IFI44: variants seen among roughly 807,000 people sequenced by gnomAD.
IFI44 encodes interferon-induced protein 44.
In IFI44, 42 loss-of-function variants were observed where a neutral mutation model predicts 45.0. That is an observed-to-expected ratio of 0.93 (90% CI 0.73 to 1.21). IFI44 has a LOEUF of 1.21. IFI44 is among the 50% of genes most tolerant of loss of function. The pLI is 0.00. For synonymous variants in IFI44, 221 were observed against 188.6 expected (o/e 1.17, Z -1.41); for missense variants, 623 against 525.8 (o/e 1.18, Z -1.81).
intron 2 of IFI44, among the ~76,000 whole-genome samples, chr1:78,652,007 C>T (rs1396176240): frequency 6.6e-6 from 1 of 152,034 alleles, no homozygotes; most frequent in African/African-American, 2.4e-5. Flanking sequence ...GTTTATGGGC[C>T]ACTTTACATA....
intron 2 of IFI44, among the ~76,000 whole-genome samples, chr1:78,651,904 A>C (rs1031883571): frequency 2.0e-5 from 3 of 152,276 alleles, no homozygotes; most frequent in African/African-American, 7.2e-5. Context: ...CAGAAAGAGT[A>C]CTTAGATATT....
intron 5 of IFI44, among the ~76,000 whole-genome samples, chr1:78,659,021 CT>C (rs1647304195): frequency 6.6e-6 from 1 of 151,956 alleles, no homozygotes; most frequent in African/African-American, 2.4e-5. Context: ...GATTGCCTCT[CT>C]TATCTAGAAC....
At chr1:78,660,738 G>T in intron 7 of IFI44, 84 bp downstream of exon 7, 1 of 909,902 alleles carries the variant, frequency 1.1e-6, no homozygotes, top group Non-Finnish European at 1.8e-6. Context: ...ATAAAAACAA[G>T]CAGCTACTGG....
intron 1 of IFI44, 61 bp downstream of exon 1, chr1:78,649,966 A>G: frequency 2.6e-6 from 1 of 389,670 alleles, no homozygotes. Context: ...TGTCTCTCTC[A>G]GGTGACAGTG....
At chr1:78,653,770 G>A (rs1046487881) in intron 2 of IFI44, among the ~76,000 whole-genome samples, 9 of 152,250 alleles carry the variant, frequency 5.9e-5, no homozygotes, top group Non-Finnish European at 1.0e-4. Flanking sequence ...TTAATAGCAG[G>A]TTGTAGAGAA....
Position 78,650,045 on chromosome 1 carries a change from AT to A in IFI44, c.-10-134del, listed in dbSNP as rs373260648. ...ATTTATAGTAAAAAATTAGCTAATG[AT>A]TTTTTTGCTTTCTGTTCATCCTTTG... On this transcript the variant is annotated intron_variant, in intron 1 of 8. Coordinates refer to ENST00000370747, the MANE Select transcript of IFI44 (RefSeq NM_006417.5). 7.1e-4 allele frequency: 336 copies of A among 470,968 alleles called. 1 individual carries two copies. The highest frequency in any genetic ancestry group is 6.1e-3 in the African/African-American group (303 of 49,944). The allele number at this position is 470,968 out of a possible 1,614,324, so 29.2% of individuals were successfully genotyped here. A position where few individuals can be genotyped will look rare whatever the true frequency, so the allele number is the denominator to read the frequency against.
intron 7 of IFI44, among the ~76,000 whole-genome samples, chr1:78,662,325 G>A (rs750063551): frequency 2.6e-5 from 4 of 152,100 alleles, no homozygotes; most frequent in Admixed American, 6.6e-5. Flanking sequence ...TAAATATTTC[G>A]AACCTAGGCA....
At chr1:78,663,375 T>C (rs1337761207) in intron 8 of IFI44, 2 of 985,280 alleles carry the variant, frequency 2.0e-6, no homozygotes, top group African/African-American at 3.5e-5. Context: ...GGTAGAGGTA[T>C]GTCCTTTTAT....
At chr1:78,652,755 C>G (rs964883440) in intron 2 of IFI44, among the ~76,000 whole-genome samples, 1 of 152,174 alleles carries the variant, frequency 6.6e-6, no homozygotes, top group Non-Finnish European at 1.5e-5. Context: ...GGGGCTATTA[C>G]AAATAATACT....
intron 3 of IFI44, among the ~76,000 whole-genome samples, chr1:78,654,629 A>G (rs1236641738): frequency 6.6e-6 from 1 of 151,964 alleles, no homozygotes; most frequent in Non-Finnish European, 1.5e-5. Context: ...CTTCAAGAAC[A>G]TGTTAGAAAT....
At chr1:78,654,157 C>CT in intron 2 of IFI44, 86 bp from the exon 3 acceptor site, 2 of 794,182 alleles carry the variant, frequency 2.5e-6, no homozygotes, top group Admixed American at 3.6e-5. Context: ...GTATTTGTCC[C>CT]TAGTGAATTC....
intron 2 of IFI44, among the ~76,000 whole-genome samples, chr1:78,652,957 A>C (rs1223140616): frequency 6.6e-6 from 1 of 152,138 alleles, no homozygotes; most frequent in Non-Finnish European, 1.5e-5. Flanking sequence ...CTGTCACTCC[A>C]AATCTTTTTC....
intron 2 of IFI44, among the ~76,000 whole-genome samples, chr1:78,652,615 C>G (rs1479258225): frequency 6.6e-6 from 1 of 152,178 alleles, no homozygotes; most frequent in Admixed American, 6.5e-5. Flanking sequence ...CTCCTACCTT[C>G]CTAGTGATTC....
intron 6 of IFI44, 30 bp from the exon 7 acceptor site, chr1:78,660,524 A>G: frequency 6.7e-7 from 1 of 1,492,852 alleles, no homozygotes; most frequent in Non-Finnish European, 9.3e-7. Context: ...ATGCTCTCTA[A>G]AATGATTTAA....
intron 3 of IFI44, 75 bp downstream of exon 3, chr1:78,654,354 T>A: frequency 3.9e-6 from 3 of 778,860 alleles, no homozygotes. Context: ...CTCATCAATA[T>A]AATTGGCAAC....
intron 8 of IFI44, chr1:78,663,553 C>A: frequency 1.0e-6 from 1 of 985,236 alleles, no homozygotes; most frequent in African/African-American, 1.7e-5. Context: ...CTCTCCAATT[C>A]TCTCTTACTC....
Position 78,663,829 on chromosome 1 carries a change from G to A in IFI44, c.*18G>A, listed in dbSNP as rs373946711. ...AAAAATAGATATGTGAAAGGTTCAC[G>A]TAAATTTCCTCACATCACAGAAGAT... On this transcript the variant is annotated 3_prime_UTR_variant, in exon 9 of 9. Coordinates refer to ENST00000370747, the MANE Select transcript of IFI44 (RefSeq NM_006417.5). 175 of 1,608,824 alleles carry A rather than the reference G, an allele frequency of 1.1e-4. No homozygotes were observed. The highest frequency in any genetic ancestry group is 1.3e-4 in the Non-Finnish European group (153 of 1,177,332).
In IFI44 at chr1:78,650,235, A is replaced by T. The variant is rs1192990182; in HGVS notation, c.40A>T (p.Ile14Phe). 3.1e-6 allele frequency: 5 copies of T among 1,608,526 alleles called. No individual in the cohort carries two copies. Among genetic ancestry groups the T allele is most frequent in the Middle Eastern group, 1.7e-4 (1 of 6,042 alleles). Reference sequence around the variant, plus strand: ...TCGTTTGACATGGTTGCACGAAAAGATCCTGCAAAATCATTTTGGAGGGAA... The same window carrying T: ...TCGTTTGACATGGTTGCACGAAAAGTTCCTGCAAAATCATTTTGGAGGGAA... ...TTRLTWLHEK[I>F]LQNHFGGKRL... The change falls in exon 2 of 9, where the codon ATC (isoleucine) becomes TTC (phenylalanine). Residue 14 changes from isoleucine (I) to phenylalanine (F), a missense_variant. Physicochemically the swap from Ile to Phe is conservative, Grantham distance 21. Coordinates refer to ENST00000370747, the MANE Select transcript of IFI44 (RefSeq NM_006417.5).
At chr1:78,660,837 G>A (rs1570403261) in intron 7 of IFI44, 183 bp downstream of exon 7, 1 of 604,048 alleles carries the variant, frequency 1.7e-6, no homozygotes, top group East Asian at 3.0e-5. Flanking sequence ...ATTTGCAGGG[G>A]ATTAGTTCCA....
Sources: allele counts gnomAD v4.1 joint callset (sites outside exome capture counted in the v4.1 genomes callset), GRCh38; gene constraint gnomAD v4.1.1; transcripts MANE v1.5; gene names NCBI Gene and HGNC (gene_info 2026-07-23, HGNC 2026-07-21).